TCP11: variants seen among roughly 807,000 people sequenced by gnomAD.
TCP11 encodes the protein T-complex protein 11 homolog.
In TCP11, 34 loss-of-function variants were observed where a neutral mutation model predicts 45.0. The ratio of observed to expected loss-of-function variants is 0.76; its 90% CI spans 0.57 to 1.01. TCP11 has a LOEUF of 1.01. Ranked by LOEUF, TCP11 falls within the 50% of genes least tolerant of loss-of-function variation. TCP11 has a pLI of 0.00. For missense variants in TCP11, 523 were observed against 598.1 expected (o/e 0.87, Z 1.31); for synonymous variants, 227 against 227.0 (o/e 1.00, Z 0.00).
chr6:35,121,514 C>G (rs1446876723), intron 5 of TCP11, among the ~76,000 whole-genome samples: 1 of 151,582 alleles, frequency 6.6e-6, no homozygotes, highest in Non-Finnish European at 1.5e-5. Context: ...AAGAGAAAAC[C>G]TGGGAAAGGG....
Position 35,120,545 on chromosome 6 carries a change from C to T in TCP11, c.817G>A (p.Gly273Ser), listed in dbSNP as rs766023819. ...PDTSDSSSVA[G>S]PSPNEAANNP... The stretch of plus-strand genomic sequence containing the variant: ...TTGGCTGCCTCATTGGGAGAGGGGC[C>T]AGCCACACTGGAGGAGTCAGAAGTG... Residue 273 changes from glycine to serine, a missense_variant, in exon 7 of 10, where the codon GGC becomes AGC. Coordinates refer to ENST00000311875, the MANE Select transcript of TCP11 (RefSeq NM_001370687.1). This position sits in a 1 kb window ranked among gnomAD's most constrained non-coding sequence, Gnocchi z 4.9. 6.2e-7 allele frequency: 1 copy of T among 1,614,002 alleles called. No individual in the cohort carries two copies. The highest frequency in any genetic ancestry group is 1.7e-5 in the Admixed American group (1 of 60,028).
rs1472139457 is a variant in TCP11 at position 35,130,081 on chromosome 6, C to A, written c.237-899G>T. On this transcript the variant is annotated intron_variant, in intron 3 of 9. Transcript: ENST00000311875. ...TACAGACGTGAGCCACTGCACCCAG[C>A]CAAGGCAATTCAATTTAGAAATGAG... 3.9e-5 allele frequency among the ~76,000 whole-genome samples: 6 copies of A among 152,168 alleles called. No homozygotes were observed. The East Asian group carries it at 5.8e-4, about 15-fold the overall frequency.
rs945147374 is a variant in TCP11, at chr6:35,133,714, C to T, written c.236+2393G>A. Among the ~76,000 whole-genome samples, 4 of 151,804 alleles carry T rather than the reference C, an allele frequency of 2.6e-5. No individual in the cohort carries two copies. In the East Asian group the frequency reaches 7.8e-4, roughly 30 times the overall value. ...CTGAGGCAAGAGAATCGCTTGAACC[C>T]GGGAGGCTGAGGTTGCAGCAAGCTG... On this transcript the variant is annotated intron_variant, in intron 3 of 9. Coordinates refer to ENST00000311875, the MANE Select transcript of TCP11 (RefSeq NM_001370687.1).
chr6:35,118,916 G>T lies in TCP11; in HGVS notation c.1279+312C>A, dbSNP rs530669097. On this transcript the variant is annotated intron_variant, in intron 9 of 9. Coordinates refer to ENST00000311875, the MANE Select transcript of TCP11 (RefSeq NM_001370687.1). ...CAGCTAAATTCAGCATTAGTTTCTT[G>T]TTGGGAGATGGGGGAATGTCAGATT... 3.9e-5 allele frequency among the ~76,000 whole-genome samples: 6 copies of T among 152,266 alleles called. No homozygotes were observed. The South Asian group carries it at 1.0e-3, about 26-fold the overall frequency.
At chr6:35,138,819 T>C (rs766381658) in intron 2 of TCP11, among the ~76,000 whole-genome samples, 26 of 152,226 alleles carry the variant, frequency 1.7e-4, no homozygotes, top group Non-Finnish European at 1.5e-5. Flanking sequence ...TTACACATTG[T>C]ATGCCTGTAT....
chr6:35,120,225 C>T lies in TCP11; in HGVS notation c.1049G>A (p.Gly350Asp). ...ASSFSGSVLFGSPQFVDKLKR... is the reference protein window; with the variant it reads ...ASSFSGSVLFDSPQFVDKLKR... ...CAGTTTATCTACAAATTGGGGTGAG[C>T]CAAACAAAACACTGCCGGAGAAACT... Residue 350 changes from glycine to aspartate, a missense_variant, in exon 8 of 10, where the codon GGC (glycine) becomes GAC (aspartate). By Grantham distance (94) the Gly-to-Asp change is moderately conservative. Around this residue, in one of 2 missense-constraint regions of TCP11, gnomAD observed 298 missense variants for 387.9 expected, o/e 0.77. Transcript: ENST00000311875. The surrounding 1 kb of genome is among the most constrained non-coding windows in gnomAD (Gnocchi z 4.9). 6.2e-7 allele frequency: 1 copy of T among 1,614,198 alleles called. No individual in the cohort carries two copies. Among genetic ancestry groups the T allele is most frequent in the Non-Finnish European group, 8.5e-7 (1 of 1,180,026 alleles).
At position 35,122,119 on chromosome 6, in the gene TCP11, C is replaced by T. The variant is rs749009305; in HGVS notation, c.576G>A (p.Leu192=). 6.2e-6 allele frequency: 10 copies of T among 1,614,078 alleles called. No homozygotes were observed. In the East Asian group the frequency reaches 2.0e-4, roughly 32 times the overall value. ...LENITDPVWL[L]RGIFQVLGRM... is the part of the protein sequence containing the mutation. ...GGGGGCAGTATCAAGTTTCATACCT[C>T]AGTAGCCAAACAGGATCCGTAATGT... The change falls in exon 5 of 10, where the codon CTG becomes CTA. Residue 192 remains leucine, a splice_region_variant and synonymous_variant. Transcript: ENST00000311875.
At chr6:35,135,249 C>A (rs6913150) in intron 3 of TCP11, among the ~76,000 whole-genome samples, 1 of 152,060 alleles carries the variant, frequency 6.6e-6, no homozygotes, top group Non-Finnish European at 1.5e-5. Context: ...CTCTCACACA[C>A]ACTCTTGTTC....
chr6:35,121,680 G>A (rs555718005), intron 5 of TCP11, among the ~76,000 whole-genome samples: 4 of 152,080 alleles, frequency 2.6e-5, no homozygotes, highest in Admixed American at 2.6e-4. Context: ...AGGTGTGGTG[G>A]TGTGCACCTG....
chr6:35,124,967 A>G (rs1427478819), intron 4 of TCP11, among the ~76,000 whole-genome samples: 1 of 151,742 alleles, frequency 6.6e-6, no homozygotes, highest in Non-Finnish European at 1.5e-5. Context: ...GGATCACCTG[A>G]GGTCAGGAGT....
chr6:35,126,364 C>T (rs1418095585), intron 4 of TCP11, among the ~76,000 whole-genome samples: 1 of 152,122 alleles, frequency 6.6e-6, no homozygotes, highest in Non-Finnish European at 1.5e-5. Context: ...CTGTCAGTAC[C>T]AGCATCCAGA....
At position 35,122,656 on chromosome 6, in the gene TCP11, G is replaced by A. The variant is rs538974249; in HGVS notation, c.358-319C>T. On this transcript the variant is annotated intron_variant, in intron 4 of 9. Transcript: ENST00000311875. ...ATACCCACCATCACATGGTGATGAC[G>A]TCTCTTAACTTTAAAAGGGAGGCAT... is the stretch of plus-strand genomic sequence containing the variant. 3.9e-5 allele frequency among the ~76,000 whole-genome samples: 6 copies of A among 152,200 alleles called. No individual in the cohort carries two copies. In the South Asian group the frequency reaches 6.2e-4, roughly 16 times the overall value.
intron 4 of TCP11, among the ~76,000 whole-genome samples, chr6:35,125,807 A>C (rs1475158404): frequency 1.3e-5 from 2 of 152,224 alleles, no homozygotes; most frequent in African/African-American, 4.8e-5. Flanking sequence ...CTATCCATAT[A>C]ATAAGAATAT....
At chr6:35,141,033 A>C (rs144428616) in intron 1 of TCP11, 149 bp from the exon 2 acceptor site, 70 of 1,238,496 alleles carry the variant, frequency 5.7e-5, no homozygotes, top group African/African-American at 7.9e-5. Flanking sequence ...AGCGTGGAGG[A>C]GCGGAAGTCG....
Position 35,120,676 on chromosome 6 carries a change from C to T in TCP11, c.716-30G>A. ...GACAGGTAAGGGAGTGTGTAAGCAT[C>T]TTTAGCATCTTCATCTCTGAGGCTT... On this transcript the variant is annotated intron_variant, in intron 6 of 9. Transcript: ENST00000311875. The surrounding 1 kb of genome is among the most constrained non-coding windows in gnomAD (Gnocchi z 4.9). 1.9e-6 allele frequency: 3 copies of T among 1,588,148 alleles called. No individual in the cohort carries two copies. The highest frequency in any genetic ancestry group is 2.6e-6 in the Non-Finnish European group (3 of 1,164,380).
rs1452030236 is a variant in TCP11 at position 35,139,894 on chromosome 6, T to A, written c.124+853A>T. On this transcript the variant is annotated intron_variant, in intron 2 of 9. Transcript: ENST00000311875. ...CCAAGTCAACCTAATACACAAAATTTCAAATTTTTTTAAAAAGGAATTTGA... is the reference window on the plus strand; with the variant it reads ...CCAAGTCAACCTAATACACAAAATTACAAATTTTTTTAAAAAGGAATTTGA... 3 of 991,008 alleles carry A rather than the reference T, an allele frequency of 3.0e-6. No homozygotes were observed. The African/African-American group carries it at 4.9e-5, about 16-fold the overall frequency. The allele number at this position is 991,008 out of a possible 1,614,324, so 61.4% of individuals were successfully genotyped here.
intron 2 of TCP11, chr6:35,137,695 A>G: frequency 2.3e-6 from 1 of 435,902 alleles, no homozygotes; most frequent in Non-Finnish European, 4.6e-6. Context: ...AGTTACAATG[A>G]TTACGTGGTG....
chr6:35,122,639 C>A (rs1345393514), intron 4 of TCP11, among the ~76,000 whole-genome samples: 1 of 152,098 alleles, frequency 6.6e-6, no homozygotes, highest in African/African-American at 2.4e-5. Context: ...AAATACCCAC[C>A]ATCACATGGT....
intron 4 of TCP11, among the ~76,000 whole-genome samples, chr6:35,124,800 A>C (rs900636071): frequency 1.3e-5 from 2 of 152,132 alleles, no homozygotes; most frequent in African/African-American, 2.4e-5. Context: ...AAAAGAACAA[A>C]GTTGGACCTT....
Sources: gnomAD v4.1 joint callset for allele counts (sites outside exome capture counted in the v4.1 genomes callset) on GRCh38, gnomAD v4.1.1 for gene constraint, gnomAD v4.1.1 regional missense constraint, Gnocchi (gnomAD v3.1) non-coding constraint, MANE v1.5 for transcripts, NCBI Gene and HGNC (gene_info 2026-07-23, HGNC 2026-07-21) for gene names.